The following FTCDNL1 variants were observed in gnomAD, a reference collection of about 807,000 sequenced individuals.
FTCDNL1 encodes the protein formiminotransferase N-terminal subdomain-containing protein.
Under a neutral mutation model 5.9 loss-of-function variants are expected in FTCDNL1, and 11 were observed. The ratio of observed to expected loss-of-function variants is 1.87; its 90% confidence interval spans 1.18 to 3.10. FTCDNL1 has a LOEUF of 3.10. Ranked by LOEUF, FTCDNL1 falls within the 30% of genes most tolerant of loss-of-function variation. The pLI, the probability that FTCDNL1 is intolerant of heterozygous loss-of-function variation, is 0.00. For synonymous variants in FTCDNL1, 58 were observed against 24.8 expected (o/e 2.34, Z -3.99); for missense variants, 115 against 65.5 (o/e 1.76, Z -2.61).
At chr2:199,749,519 C>T in the FTCDNL1 span, among the ~76,000 whole-genome samples, 6 of 140,048 alleles carry the variant, frequency 4.3e-5, no homozygotes, top group African/African-American at 1.5e-4. Flanking sequence ...AAATCACATA[C>T]GAAATAAATT....
chr2:199,675,821 G>A, the FTCDNL1 span, among the ~76,000 whole-genome samples: 1 of 152,156 alleles, frequency 6.6e-6, no homozygotes, highest in Non-Finnish European at 1.5e-5. Flanking sequence ...AGTGATCATA[G>A]CTCACTGCAG....
chr2:199,664,502 A>G, the FTCDNL1 span, among the ~76,000 whole-genome samples: 1 of 152,352 alleles, frequency 6.6e-6, no homozygotes, highest in Non-Finnish European at 1.5e-5. Flanking sequence ...TCCAGAACCA[A>G]AAGTCTAATA....
intron 3 of FTCDNL1, chr2:199,844,373 C>A: frequency 1.9e-6 from 1 of 529,310 alleles, no homozygotes. Flanking sequence ...CCCAAACTTT[C>A]TCTTACTTCT....
chr2:199,838,505 C>T (rs1489585866), intron 3 of FTCDNL1, among the ~76,000 whole-genome samples: 2 of 152,146 alleles, frequency 1.3e-5, no homozygotes, highest in African/African-American at 4.8e-5. Flanking sequence ...GAGGCAATCG[C>T]ACTGGAAGCT....
At chr2:199,844,511 C>A in intron 3 of FTCDNL1, 3 of 643,264 alleles carry the variant, frequency 4.7e-6, no homozygotes, top group South Asian at 1.7e-5. Flanking sequence ...GGCCTCTAGG[C>A]AGGCAGCCAG....
At chr2:199,790,110 T>C (rs1282909262) in intron 3 of FTCDNL1, among the ~76,000 whole-genome samples, 1 of 152,166 alleles carries the variant, frequency 6.6e-6, no homozygotes, top group Non-Finnish European at 1.5e-5. Context: ...TAGATAATTT[T>C]ATACTAAAAC....
chr2:199,820,397 A>G (rs1701609869), intron 3 of FTCDNL1, among the ~76,000 whole-genome samples: 1 of 152,174 alleles, frequency 6.6e-6, no homozygotes, highest in Non-Finnish European at 1.5e-5. Flanking sequence ...TGAAGCCAGG[A>G]GTTTGAGAAC....
At chr2:199,822,759 C>T (rs1422258910) in intron 3 of FTCDNL1, among the ~76,000 whole-genome samples, 3 of 152,228 alleles carry the variant, frequency 2.0e-5, no homozygotes, top group Non-Finnish European at 2.9e-5. Context: ...ACAGTGTCCA[C>T]AGCATCATCA....
At chr2:199,774,802 A>C (rs559155885) in intron 3 of FTCDNL1, among the ~76,000 whole-genome samples, 3 of 152,068 alleles carry the variant, frequency 2.0e-5, no homozygotes, top group Non-Finnish European at 4.4e-5. Flanking sequence ...GAATCTCTTT[A>C]TATGTTCCTA....
intron 3 of FTCDNL1, among the ~76,000 whole-genome samples, chr2:199,829,634 T>C (rs1702244675): frequency 6.6e-6 from 1 of 152,214 alleles, no homozygotes; most frequent in Non-Finnish European, 1.5e-5. Flanking sequence ...AAGAATCTGC[T>C]TAATTAAATG....
At chr2:199,674,870 A>C in the FTCDNL1 span, among the ~76,000 whole-genome samples, 1 of 152,228 alleles carries the variant, frequency 6.6e-6, no homozygotes, top group Non-Finnish European at 1.5e-5. Context: ...TTTTAGACAA[A>C]ATTCAGAAAA....
intron 3 of FTCDNL1, among the ~76,000 whole-genome samples, chr2:199,798,619 T>C (rs1036430677): frequency 1.3e-5 from 2 of 152,180 alleles, no homozygotes; most frequent in African/African-American, 4.8e-5. Flanking sequence ...TTCCTCTTCA[T>C]TCCACCACGT....
chr2:199,816,006 A>AAAAGAAAG lies in FTCDNL1; in HGVS notation c.398-3290_398-3283dup, dbSNP rs59036985. On this transcript the variant is annotated intron_variant, in intron 4 of 4. Transcript: ENST00000420128. ...CAGAGCGAGACTCCATCTCAAAAAA[A>AAAAGAAAG]AAAGAAAGAAAGAAAGAAAGAAAGC... Among the ~76,000 whole-genome samples the AAAAGAAAG allele has an allele frequency of 1.5e-3, 222 of 148,894 alleles. 2 individuals carry two copies. Among genetic ancestry groups the AAAAGAAAG allele is most frequent in the East Asian group, 3.4e-3 (17 of 5,044 alleles).
chr2:199,821,581 C>T (rs1701695274), intron 3 of FTCDNL1, among the ~76,000 whole-genome samples: 1 of 152,104 alleles, frequency 6.6e-6, no homozygotes, highest in African/African-American at 2.4e-5. Context: ...TCTCCTGCCT[C>T]AGCCTCCAGA....
At chr2:199,806,901 T>C (rs189311161), downstream of FTCDNL1, among the ~76,000 whole-genome samples, 55 of 152,368 alleles carry the variant, frequency 3.6e-4, no homozygotes, top group African/African-American at 1.2e-3. Flanking sequence ...TAAAGTCTAT[T>C]TGTTCACATC....
At chr2:199,697,523 C>A in the FTCDNL1 span, among the ~76,000 whole-genome samples, 1 of 152,098 alleles carries the variant, frequency 6.6e-6, no homozygotes, top group Admixed American at 6.5e-5. Flanking sequence ...TCATATCCAG[C>A]CAAACTAAGT....
At chr2:199,844,443 C>G in intron 3 of FTCDNL1, 1 of 665,250 alleles carries the variant, frequency 1.5e-6, no homozygotes, top group Non-Finnish European at 2.8e-6. Context: ...GGAATCAAGT[C>G]CACTGCTCCC....
At chr2:199,824,490 C>T (rs1701897397) in intron 3 of FTCDNL1, among the ~76,000 whole-genome samples, 1 of 152,190 alleles carries the variant, frequency 6.6e-6, no homozygotes, top group Admixed American at 6.5e-5. Context: ...AGAACTTATC[C>T]TTTGCATTCA....
the FTCDNL1 span, among the ~76,000 whole-genome samples, chr2:199,739,559 T>A: frequency 6.6e-6 from 1 of 152,162 alleles, no homozygotes; most frequent in Non-Finnish European, 1.5e-5. Context: ...GAGGCCTCCA[T>A]ACAGGAGTTT....
Sources: allele counts gnomAD v4.1 joint callset (sites outside exome capture counted in the v4.1 genomes callset), GRCh38; gene constraint gnomAD v4.1.1; transcripts MANE v1.5; gene names NCBI Gene and HGNC (gene_info 2026-07-23, HGNC 2026-07-21).